Variants in CTNNA3 observed in about 807,000 individuals in gnomAD.
The protein encoded by CTNNA3 is catenin alpha 3, also known as catenin alpha-3.
Under a neutral mutation model 95.7 loss-of-function variants are expected in CTNNA3, and 76 were observed. That is an observed-to-expected ratio of 0.79 (90% CI 0.66 to 0.96). The LOEUF is 0.96. Ranked by LOEUF, CTNNA3 falls within the 40% of genes least tolerant of loss-of-function variation. CTNNA3 has a pLI of 0.00. For missense variants in CTNNA3, 1,191 were observed against 1,089.8 expected (o/e 1.09, Z -1.31); for synonymous variants, 431 against 374.4 (o/e 1.15, Z -1.74).
At chr10:67,712,068 T>A (rs995538486) in intron 1 of CTNNA3, among the ~76,000 whole-genome samples, 14 of 152,122 alleles carry the variant, frequency 9.2e-5, no homozygotes, top group Non-Finnish European at 1.9e-4. Flanking sequence ...CATGCTGCTA[T>A]AAAGACACAT....
At chr10:66,802,302 T>C (rs1392185552) in intron 7 of CTNNA3, among the ~76,000 whole-genome samples, 1 of 151,822 alleles carries the variant, frequency 6.6e-6, no homozygotes, top group East Asian at 1.9e-4. Flanking sequence ...TATCTAACAA[T>C]GGACTTGTAA....
intron 7 of CTNNA3, among the ~76,000 whole-genome samples, chr10:67,104,831 A>G (rs1179799087): frequency 6.6e-6 from 1 of 152,070 alleles, no homozygotes; most frequent in Non-Finnish European, 1.5e-5. Context: ...TATAACTGTG[A>G]TAAAAACTAG....
chr10:67,476,873 G>A (rs1398677401), intron 5 of CTNNA3, among the ~76,000 whole-genome samples: 8 of 151,062 alleles, frequency 5.3e-5, no homozygotes, highest in South Asian at 2.1e-4. Context: ...ACAGGGGAGC[G>A]CCTCTCCACT....
intron 7 of CTNNA3, among the ~76,000 whole-genome samples, chr10:66,783,428 CT>C (rs1840618222): frequency 6.6e-6 from 1 of 151,938 alleles, no homozygotes; most frequent in Non-Finnish European, 1.5e-5. Context: ...AATTCCAAAA[CT>C]TTTTTACTGA....
chr10:67,194,100 T>C (rs1262571868), intron 6 of CTNNA3, among the ~76,000 whole-genome samples: 1 of 152,120 alleles, frequency 6.6e-6, no homozygotes, highest in Non-Finnish European at 1.5e-5. Flanking sequence ...GTTGGCTACA[T>C]GTATGCCTTC....
rs1467771432 is a variant in CTNNA3 at position 66,392,086 on chromosome 10, CATTGGACTTCGTAAAA to C, written c.1532-12750_1532-12735del. ...CAATTTTTTTACAAAAAAATGAATA[CATTGGACTTCGTAAAA>C]ATTTAAAACTTCTACTCTGCAAAAG... On this transcript the variant is annotated intron_variant, in intron 11 of 17. Transcript: ENST00000433211. Among the ~76,000 whole-genome samples the C allele has an allele frequency of 1.3e-4, 19 of 151,844 alleles. 1 individual carries two copies. The East Asian group carries it at 2.3e-3, about 19-fold the overall frequency.
chr10:67,391,900 C>T (rs1844506897), intron 5 of CTNNA3, among the ~76,000 whole-genome samples: 1 of 150,872 alleles, frequency 6.6e-6, no homozygotes, highest in Non-Finnish European at 1.5e-5. Context: ...ATACAAAAAT[C>T]AATTCAAGAT....
chr10:66,220,995 C>T (rs890286251), intron 13 of CTNNA3, among the ~76,000 whole-genome samples: 2 of 152,164 alleles, frequency 1.3e-5, no homozygotes, highest in Admixed American at 6.5e-5. Flanking sequence ...GTAGGGCCCT[C>T]GCCAGGGATC....
intron 9 of CTNNA3, among the ~76,000 whole-genome samples, chr10:66,641,776 C>A (rs1244590620): frequency 6.6e-6 from 1 of 152,106 alleles, no homozygotes; most frequent in Non-Finnish European, 1.5e-5. Context: ...CTGCATCTAG[C>A]AAATAATGGT....
chr10:66,260,412 T>C (rs564776022), intron 13 of CTNNA3, among the ~76,000 whole-genome samples: 1 of 152,224 alleles, frequency 6.6e-6, no homozygotes, highest in South Asian at 2.1e-4. Flanking sequence ...ATTCTTTCTG[T>C]ACCCACAAAA....
chr10:66,735,069 T>C (rs1037139957), intron 9 of CTNNA3, among the ~76,000 whole-genome samples: 4 of 151,616 alleles, frequency 2.6e-5, no homozygotes, highest in African/African-American at 9.7e-5. Context: ...TATATATTAT[T>C]AAAGTAAGTT....
At chr10:66,529,895 T>C (rs1055904438) in intron 10 of CTNNA3, among the ~76,000 whole-genome samples, 23 of 152,164 alleles carry the variant, frequency 1.5e-4, no homozygotes, top group Admixed American at 3.3e-4. Context: ...AAAGTCATAT[T>C]ACCTCTCCAG....
chr10:67,474,898 T>C (rs1229120307), intron 5 of CTNNA3, among the ~76,000 whole-genome samples: 2 of 152,208 alleles, frequency 1.3e-5, no homozygotes, highest in Non-Finnish European at 2.9e-5. Context: ...TATGCTACCA[T>C]ATGACCTAGA....
intron 9 of CTNNA3, among the ~76,000 whole-genome samples, chr10:66,636,707 C>T (rs994436460): frequency 1.3e-4 from 20 of 152,196 alleles, no homozygotes; most frequent in Admixed American, 1.3e-3. Flanking sequence ...TATGATTGAT[C>T]TCTTTACAGA....
intron 7 of CTNNA3, among the ~76,000 whole-genome samples, chr10:67,043,864 C>T (rs1854559262): frequency 6.6e-6 from 1 of 151,150 alleles, no homozygotes; most frequent in South Asian, 2.1e-4. Flanking sequence ...TTCTATATGC[C>T]CAACATTCTG....
intron 1 of CTNNA3, among the ~76,000 whole-genome samples, chr10:67,736,957 T>C (rs895559254): frequency 2.0e-5 from 3 of 151,988 alleles, no homozygotes; most frequent in African/African-American, 7.3e-5. Flanking sequence ...ATCAAGTACC[T>C]TTTTATTTTA....
At chr10:67,635,919 C>T (rs981439362) in intron 2 of CTNNA3, among the ~76,000 whole-genome samples, 14 of 152,094 alleles carry the variant, frequency 9.2e-5, no homozygotes, top group African/African-American at 3.4e-4. Flanking sequence ...AGAAAAAGCC[C>T]ATTGTATCAG....
At chr10:67,692,614 G>T (rs1171600159) in intron 1 of CTNNA3, among the ~76,000 whole-genome samples, 8 of 134,820 alleles carry the variant, frequency 5.9e-5, no homozygotes, top group East Asian at 2.0e-4. Flanking sequence ...GAAGGCCGCA[G>T]GGTCCTCTGC....
At chr10:66,166,198 A>G (rs1283771537) in intron 13 of CTNNA3, among the ~76,000 whole-genome samples, 2 of 152,110 alleles carry the variant, frequency 1.3e-5, no homozygotes, top group Non-Finnish European at 2.9e-5. Context: ...GCTCACACCT[A>G]TAATCCCAGC....
Sources: allele counts gnomAD v4.1 joint callset (sites outside exome capture counted in the v4.1 genomes callset), GRCh38; gene constraint gnomAD v4.1.1; transcripts MANE v1.5; gene names NCBI Gene and HGNC (gene_info 2026-07-23, HGNC 2026-07-21).